Variants in CDH13 observed in about 807,000 individuals in gnomAD.
CDH13 encodes cadherin 13, also known as cadherin-13.
A neutral mutation model predicts 63.8 loss-of-function variants in CDH13; 24 were observed. That is an observed-to-expected ratio of 0.38 (90% CI 0.27 to 0.53). CDH13 has a LOEUF of 0.53. Ranked by LOEUF, CDH13 falls within the 20% of genes least tolerant of loss-of-function variation. CDH13 has a pLI of 0.85. For missense variants in CDH13, 1,049 were observed against 903.1 expected (o/e 1.16, Z -2.07); for synonymous variants, 503 against 355.3 (o/e 1.42, Z -4.67).
intron 3 of CDH13, among the ~76,000 whole-genome samples, chr16:83,115,674 T>A (rs1271534265): frequency 6.6e-6 from 1 of 152,260 alleles, no homozygotes; most frequent in Non-Finnish European, 1.5e-5. Flanking sequence ...CTTAATTCCC[T>A]GCCTGCCTGG....
intron 5 of CDH13, among the ~76,000 whole-genome samples, chr16:83,313,482 T>C (rs1328018963): frequency 6.6e-6 from 1 of 152,148 alleles, no homozygotes; most frequent in Non-Finnish European, 1.5e-5. Flanking sequence ...TCTGTGCTAA[T>C]AATTGAATAA....
chr16:83,460,232 A>C (rs985987530), intron 6 of CDH13, among the ~76,000 whole-genome samples: 13 of 152,254 alleles, frequency 8.5e-5, no homozygotes, highest in South Asian at 2.1e-4. Flanking sequence ...GTAAATATTA[A>C]GCCTAGAAAT....
At chr16:83,750,914 T>G (rs192656915) in intron 11 of CDH13, among the ~76,000 whole-genome samples, 4 of 151,388 alleles carry the variant, frequency 2.6e-5, no homozygotes, top group South Asian at 2.1e-4. Context: ...TTTAATGGAG[T>G]CATTACCTAT....
intron 6 of CDH13, chr16:83,397,281 T>C (rs1278310252): frequency 1.3e-5 from 2 of 152,212 alleles, no homozygotes; most frequent in Admixed American, 1.3e-4. Context: ...ACCACCATTA[T>C]ACTGAATTTA....
chr16:83,042,350 G>T (rs1284360718), intron 3 of CDH13, among the ~76,000 whole-genome samples: 2 of 152,130 alleles, frequency 1.3e-5, no homozygotes, highest in East Asian at 3.9e-4. Context: ...ATAGGAGTGT[G>T]AACCCTATTG....
intron 6 of CDH13, among the ~76,000 whole-genome samples, chr16:83,387,703 C>T (rs544574304): frequency 6.6e-6 from 1 of 152,196 alleles, no homozygotes; most frequent in Non-Finnish European, 1.5e-5. Flanking sequence ...TTGAGAATGT[C>T]TGCCTTATGA....
intron 2 of CDH13, among the ~76,000 whole-genome samples, chr16:82,902,257 G>A (rs1238933158): frequency 6.6e-6 from 1 of 152,104 alleles, no homozygotes; most frequent in East Asian, 1.9e-4. Flanking sequence ...TGTTCTTAGG[G>A]TATTCCCCAT....
At chr16:83,670,056 C>T (rs867899490) in intron 8 of CDH13, among the ~76,000 whole-genome samples, 4 of 152,138 alleles carry the variant, frequency 2.6e-5, no homozygotes, top group South Asian at 4.1e-4. Flanking sequence ...AGATGTATTA[C>T]AATAGAAACA....
Position 83,000,223 on chromosome 16 carries a change from A to ATTTTTTTTTT in CDH13, c.158-31755_158-31746dup, listed in dbSNP as rs746904500. ...CTAGGAATATCCACAGGTTTAGCTT[A>ATTTTTTTTTT]TTTTTTTTTTTTTTTTTTTTTTTTT... On this transcript the variant is annotated intron_variant, in intron 2 of 13. Coordinates refer to ENST00000567109, the MANE Select transcript of CDH13 (RefSeq NM_001257.5). 9.2e-4 allele frequency among the ~76,000 whole-genome samples: 34 copies of ATTTTTTTTTT among 37,012 alleles called. 5 individuals carry two copies. Among genetic ancestry groups the ATTTTTTTTTT allele is most frequent in the Non-Finnish European group, 1.5e-3 (26 of 16,792 alleles). The allele number at this position is 37,012 out of a possible 152,430, so 24.3% of individuals were successfully genotyped here.
chr16:83,126,649 CA>C (rs1188008069), intron 4 of CDH13, among the ~76,000 whole-genome samples: 1 of 151,982 alleles, frequency 6.6e-6, no homozygotes, highest in African/African-American at 2.4e-5. Context: ...ATCTCGAGAA[CA>C]AAGAACAAGG....
chr16:82,980,802 C>G (rs1443635603), intron 2 of CDH13, among the ~76,000 whole-genome samples: 3 of 152,220 alleles, frequency 2.0e-5, no homozygotes. Context: ...TCAACACAGT[C>G]AAGAAAATAT....
chr16:83,360,033 G>A (rs1018918924), intron 6 of CDH13, among the ~76,000 whole-genome samples: 4 of 152,204 alleles, frequency 2.6e-5, no homozygotes, highest in Non-Finnish European at 4.4e-5. Context: ...TACATAGTAC[G>A]TGATCCTTTC....
chr16:82,779,893 A>G (rs144657344), intron 1 of CDH13, among the ~76,000 whole-genome samples: 41 of 152,250 alleles, frequency 2.7e-4, no homozygotes, highest in African/African-American at 9.6e-4. Context: ...ACAACCCCTG[A>G]GAATCGATCA....
At chr16:82,954,561 C>T (rs542653761) in intron 2 of CDH13, 1 of 152,154 alleles carries the variant, frequency 6.6e-6, no homozygotes, top group South Asian at 2.1e-4. Flanking sequence ...CTGAAGGCTA[C>T]CAATGTCCAA....
At chr16:82,894,578 G>T (rs980515386) in intron 2 of CDH13, among the ~76,000 whole-genome samples, 1 of 152,164 alleles carries the variant, frequency 6.6e-6, no homozygotes, top group Non-Finnish European at 1.5e-5. Flanking sequence ...GGAGACAGAG[G>T]TTGCAGTGAG....
intron 1 of CDH13, among the ~76,000 whole-genome samples, chr16:82,658,536 T>A (rs1036055437): frequency 6.6e-6 from 1 of 152,248 alleles, no homozygotes; most frequent in African/African-American, 2.4e-5. Flanking sequence ...TGCCTGGGTA[T>A]AAATTGCACC....
At chr16:83,532,712 C>T (rs1280602327) in intron 7 of CDH13, among the ~76,000 whole-genome samples, 1 of 152,218 alleles carries the variant, frequency 6.6e-6, no homozygotes, top group Non-Finnish European at 1.5e-5. Flanking sequence ...TCTTTGCAAG[C>T]AATCATTGGC....
intron 1 of CDH13, among the ~76,000 whole-genome samples, chr16:82,667,361 A>G (rs982229567): frequency 3.9e-5 from 6 of 152,222 alleles, no homozygotes; most frequent in Admixed American, 3.3e-4. Flanking sequence ...GCCATCCCCA[A>G]GTGCAACTGA....
At chr16:82,810,278 C>T (rs1878214198) in intron 1 of CDH13, among the ~76,000 whole-genome samples, 1 of 152,132 alleles carries the variant, frequency 6.6e-6, no homozygotes, top group African/African-American at 2.4e-5. Context: ...GACAGCGGCT[C>T]ATTAGGCAGA....
Sources: gnomAD v4.1 joint callset for allele counts (sites outside exome capture counted in the v4.1 genomes callset) on GRCh38, gnomAD v4.1.1 for gene constraint, MANE v1.5 for transcripts, NCBI Gene and HGNC (gene_info 2026-07-23, HGNC 2026-07-21) for gene names.